The following KIAA1671 variants were observed in gnomAD, a reference collection of about 807,000 sequenced individuals.
The protein encoded by KIAA1671 is KIAA1671, also known as uncharacterized protein KIAA1671.
A neutral mutation model predicts 131.2 loss-of-function variants in KIAA1671; 52 were observed. That is an observed-to-expected ratio of 0.40 (90% confidence interval 0.32 to 0.50). The LOEUF is 0.50. Among genes scored for constraint, KIAA1671 ranks in the 20% least tolerant of loss-of-function variants. The probability of loss-of-function intolerance (pLI) is 0.73; values close to 1 mark genes in which losing one functional copy is unlikely to be tolerated. For missense variants in KIAA1671, 2,360 were observed against 2,364.2 expected, an observed-to-expected ratio of 1.00 and a Z score of 0.04; for synonymous variants, 1,003 against 961.6, an observed-to-expected ratio of 1.04 and a Z score of -0.80.
intron 12 of KIAA1671, 50 bp downstream of exon 12, chr22:25,190,834 G>A: frequency 1.5e-6 from 2 of 1,336,262 alleles, no homozygotes; most frequent in Middle Eastern, 1.8e-4. Flanking sequence ...GCAGTCACAG[G>A]AATGGGGAAC....
chr22:25,040,459 C>T lies in KIAA1671; in HGVS notation c.3329C>T (p.Ser1110Leu). ...LKTLKPTDRP[S>L]SLGAWSLDPF... ...ACTCTGAAGCCAACAGACCGTCCAT[C>T]ATCTCTTGGGGCCTGGAGTCTGGAC... Residue 1110 changes from serine to leucine, a missense_variant, in exon 5 of 13, where the codon TCA becomes TTA. Physicochemically the swap from Ser to Leu is moderately radical, Grantham distance 145. Around this residue, in one of 3 missense-constraint regions of KIAA1671, gnomAD observed 1,161 missense variants for 1,204.7 expected, o/e 0.96. Transcript: ENST00000358431. 1 of 1,552,066 alleles carries T rather than the reference C, an allele frequency of 6.4e-7. No individual in the cohort carries two copies. The highest frequency in any genetic ancestry group is 8.7e-7 in the Non-Finnish European group (1 of 1,147,068).
intron 4 of KIAA1671, among the ~76,000 whole-genome samples, chr22:25,035,441 G>A (rs370429647): frequency 6.6e-6 from 1 of 152,108 alleles, no homozygotes; most frequent in East Asian, 1.9e-4. Flanking sequence ...AGAAACTTCC[G>A]TGGAGTTTTA....
Position 25,028,934 on chromosome 22 carries a change from A to G in KIAA1671, c.935A>G (p.Asp312Gly), listed in dbSNP as rs1315260491. ...GAAGGAAGTGGACCCACAGCAGGGG[A>G]TATGGCTGGGCTAGAGAGGCCCAGA... is the stretch of plus-strand genomic sequence containing the variant. The part of the protein sequence containing the change: ...ADEGSGPTAG[D>G]MAGLERPRAA... The change falls in exon 3 of 13, where the codon GAT (aspartate) becomes GGT (glycine). Residue 312 changes from aspartate to glycine, a missense_variant. Physicochemically the swap from Asp to Gly is moderately conservative, Grantham distance 94. This residue lies in a region of KIAA1671 where 1,185 missense variants were observed against 1,126.2 expected (regional missense o/e 1.05). Transcript: ENST00000358431. The G allele has an allele frequency of 6.4e-7, 1 of 1,551,484 alleles. No individual in the cohort carries two copies. The highest frequency in any genetic ancestry group is 8.7e-7 in the Non-Finnish European group (1 of 1,146,946).
At chr22:25,104,487 G>A (rs867952831) in intron 6 of KIAA1671, among the ~76,000 whole-genome samples, 6 of 152,174 alleles carry the variant, frequency 3.9e-5, no homozygotes, top group African/African-American at 9.7e-5. Context: ...CCAGAACTCC[G>A]AGGGCAAGAC....
intron 1 of KIAA1671, among the ~76,000 whole-genome samples, chr22:25,008,518 T>C (rs1160200149): frequency 6.6e-6 from 1 of 152,184 alleles, no homozygotes; most frequent in Non-Finnish European, 1.5e-5. Flanking sequence ...ACACAGCCAC[T>C]ATTGATGCTT....
intron 1 of KIAA1671, among the ~76,000 whole-genome samples, chr22:24,967,507 T>C (rs1211303021): frequency 6.6e-6 from 1 of 152,212 alleles, no homozygotes; most frequent in Non-Finnish European, 1.5e-5. Context: ...ATCTTTGTTA[T>C]TTGTTGAGCA....
intron 1 of KIAA1671, among the ~76,000 whole-genome samples, chr22:25,004,416 GGA>G (rs981980385): frequency 1.1e-4 from 17 of 152,126 alleles, no homozygotes; most frequent in African/African-American, 4.1e-4. Flanking sequence ...AACTGAAATG[GGA>G]TCTTCATGTC....
intron 6 of KIAA1671, among the ~76,000 whole-genome samples, chr22:25,156,099 G>A (rs779288294): frequency 1.6e-4 from 20 of 127,234 alleles, no homozygotes; most frequent in Non-Finnish European, 2.7e-4. Flanking sequence ...TCGGCTCACT[G>A]CAAGCTCTCA....
At chr22:24,985,779 GGAGAGA>G (rs147630044) in intron 1 of KIAA1671, among the ~76,000 whole-genome samples, 19 of 150,348 alleles carry the variant, frequency 1.3e-4, no homozygotes, top group Non-Finnish European at 2.1e-4. Flanking sequence ...TATGGTGAGG[GGAGAGA>G]GAGAGAGAGA....
chr22:25,097,697 G>A (rs1318352202), intron 6 of KIAA1671, among the ~76,000 whole-genome samples: 5 of 151,322 alleles, frequency 3.3e-5, no homozygotes, highest in African/African-American at 4.9e-5. Flanking sequence ...CCGAGATCGC[G>A]CCATTGCACT....
intron 1 of KIAA1671, among the ~76,000 whole-genome samples, chr22:24,990,507 ACACACCATGCT>A (rs1438792363): frequency 6.6e-6 from 1 of 152,174 alleles, no homozygotes; most frequent in African/African-American, 2.4e-5. Context: ...CACACCATGC[ACACACCATGCT>A]CACACACATG....
intron 1 of KIAA1671, among the ~76,000 whole-genome samples, chr22:25,009,253 C>CTTTT (rs35147267): frequency 6.4e-5 from 4 of 62,794 alleles, no homozygotes; most frequent in African/African-American, 1.2e-4. Flanking sequence ...CCCTTCCCCA[C>CTTTT]TTTTTTTTTT....
chr22:25,033,693 C>T (rs1926428725), intron 4 of KIAA1671, among the ~76,000 whole-genome samples: 2 of 148,550 alleles, frequency 1.3e-5, no homozygotes, highest in African/African-American at 5.0e-5. Flanking sequence ...ATTCTCCTGC[C>T]TCAGCCTCCC....
intron 6 of KIAA1671, chr22:25,060,559 C>T (rs1433125570): frequency 6.6e-6 from 1 of 152,206 alleles, no homozygotes; most frequent in African/African-American, 2.4e-5. Context: ...CTCTGGGTAT[C>T]AGAGGTCTTG....
intron 6 of KIAA1671, among the ~76,000 whole-genome samples, chr22:25,107,627 A>G (rs1016072073): frequency 7.2e-5 from 11 of 151,772 alleles, no homozygotes; most frequent in South Asian, 2.1e-4. Flanking sequence ...GGTTCAAACA[A>G]TCCTCCCACC....
intron 6 of KIAA1671, among the ~76,000 whole-genome samples, chr22:25,138,494 TA>T (rs1398040179): frequency 6.6e-6 from 1 of 152,208 alleles, no homozygotes; most frequent in Non-Finnish European, 1.5e-5. Flanking sequence ...TTTGTAGAAA[TA>T]AGTCTGCCCA....
intron 6 of KIAA1671, among the ~76,000 whole-genome samples, chr22:25,078,692 G>GTGGCT (rs1929240240): frequency 6.6e-6 from 1 of 152,204 alleles, no homozygotes; most frequent in Non-Finnish European, 1.5e-5. Flanking sequence ...TCAGATCATA[G>GTGGCT]TGGCTTCAGT....
intron 11 of KIAA1671, among the ~76,000 whole-genome samples, chr22:25,187,470 CG>C (rs1279690735): frequency 7.4e-6 from 1 of 135,690 alleles, no homozygotes; most frequent in Admixed American, 8.0e-5. Context: ...TCTTCATAAA[CG>C]TGATTTTTTT....
chr22:25,154,412 C>T (rs1045075992), intron 6 of KIAA1671, among the ~76,000 whole-genome samples: 14 of 152,214 alleles, frequency 9.2e-5, no homozygotes, highest in Admixed American at 1.3e-4. Context: ...TGCAGGAGCT[C>T]GTTCTGTCCT....
Sources: gnomAD v4.1 joint callset for allele counts (sites outside exome capture counted in the v4.1 genomes callset) on GRCh38, gnomAD v4.1.1 for gene constraint, gnomAD v4.1.1 regional missense constraint, MANE v1.5 for transcripts, NCBI Gene and HGNC (gene_info 2026-07-23, HGNC 2026-07-21) for gene names.